NTN4: variants seen among roughly 807,000 people sequenced by gnomAD.
NTN4 encodes the protein netrin 4.
A neutral mutation model predicts 73.6 loss-of-function variants in NTN4; 32 were observed. The observed-to-expected ratio is 0.44, with a 90% confidence interval of 0.33 to 0.58. The LOEUF is 0.58. Ranked by LOEUF, NTN4 falls within the 20% of genes least tolerant of loss-of-function variation. The pLI is 0.04. For synonymous variants in NTN4, 258 were observed against 287.5 expected (o/e 0.90, Z 1.04); for missense variants, 654 against 798.3 (o/e 0.82, Z 2.18).
At chr12:95,750,072 AG>A (rs2121212689) in intron 2 of NTN4, among the ~76,000 whole-genome samples, 1 of 152,146 alleles carries the variant, frequency 6.6e-6, no homozygotes, top group Non-Finnish European at 1.5e-5. Context: ...AGGAGGGGCA[AG>A]TACCCCAACC....
At chr12:95,666,115 A>C in intron 8 of NTN4, 135 bp from the exon 9 acceptor site, 1 of 680,928 alleles carries the variant, frequency 1.5e-6, no homozygotes, top group Non-Finnish European at 2.4e-6. Context: ...TTTAAAAATC[A>C]TTAGGCATTA....
At chr12:95,689,766 T>C (rs933797778) in intron 5 of NTN4, among the ~76,000 whole-genome samples, 1 of 152,250 alleles carries the variant, frequency 6.6e-6, no homozygotes, top group African/African-American at 2.4e-5. Context: ...AATCATTCCT[T>C]ATTCCAATGC....
At chr12:95,730,067 G>A (rs2078726971) in intron 3 of NTN4, among the ~76,000 whole-genome samples, 1 of 152,146 alleles carries the variant, frequency 6.6e-6, no homozygotes, top group South Asian at 2.1e-4. Flanking sequence ...GATATGCCTT[G>A]AATATTTGGG....
At chr12:95,691,773 T>C (rs1267253600) in intron 5 of NTN4, among the ~76,000 whole-genome samples, 1 of 152,112 alleles carries the variant, frequency 6.6e-6, no homozygotes, top group Non-Finnish European at 1.5e-5. Flanking sequence ...TCGTTATAAT[T>C]TTTAGTGTTC....
rs561724426 is a variant in NTN4 at position 95,667,931 on chromosome 12, C to A, written c.1580-1951G>T. On this transcript the variant is annotated intron_variant, in intron 8 of 9. Coordinates refer to ENST00000343702, the MANE Select transcript of NTN4 (RefSeq NM_021229.4). The stretch of plus-strand genomic sequence containing the variant: ...AAGTGAACCTTTCAAGTTCACATAA[C>A]TGGTTGGCTAGAGGTAGAGTTTGGG... Among the ~76,000 whole-genome samples, 10 of 151,960 alleles carry A rather than the reference C, an allele frequency of 6.6e-5. No homozygotes were observed. In the South Asian group the frequency reaches 2.1e-3, roughly 32 times the overall value.
rs554220614 is a variant in NTN4 at position 95,671,731 on chromosome 12, G to A, written c.1511-1585C>T. The stretch of plus-strand genomic sequence containing the variant: ...CATTCTCATACTCATTTATATATTC[G>A]TTTCCTCTCTAGACTGTGTCCCTTC... On this transcript the variant is annotated intron_variant, in intron 7 of 9. Coordinates refer to ENST00000343702, the MANE Select transcript of NTN4 (RefSeq NM_021229.4). 3.4e-4 allele frequency among the ~76,000 whole-genome samples: 51 copies of A among 152,200 alleles called. 1 individual carries two copies. Among genetic ancestry groups the A allele is most frequent in the Admixed American group, 2.8e-3 (43 of 15,288 alleles).
chr12:95,704,548 C>G (rs1444978431), intron 5 of NTN4, among the ~76,000 whole-genome samples: 2 of 152,082 alleles, frequency 1.3e-5, no homozygotes, highest in Non-Finnish European at 2.9e-5. Context: ...GATACATCTA[C>G]TAAGGAGGGA....
chr12:95,727,675 A>G (rs1247787604), intron 3 of NTN4, among the ~76,000 whole-genome samples: 1 of 152,214 alleles, frequency 6.6e-6, no homozygotes, highest in Non-Finnish European at 1.5e-5. Context: ...TCCTTTGGCC[A>G]GTACCACACT....
At chr12:95,697,564 T>G (rs2078451546) in intron 5 of NTN4, among the ~76,000 whole-genome samples, 1 of 152,146 alleles carries the variant, frequency 6.6e-6, no homozygotes, top group Admixed American at 6.5e-5. Context: ...AAATCAGTTC[T>G]TTAGATTCAA....
intron 7 of NTN4, among the ~76,000 whole-genome samples, chr12:95,679,704 C>T (rs2078301123): frequency 6.6e-6 from 1 of 152,178 alleles, no homozygotes; most frequent in Non-Finnish European, 1.5e-5. Flanking sequence ...CTGAATGTGA[C>T]TAGGGAAAAC....
rs371808381 is a variant in NTN4 at position 95,789,043 on chromosome 12, T to C, written c.55+1212A>G. ...AGAATTAAAGTAAAATCTTAGGCCT[T>C]TAATAGGTCCCTGGGAAAAATATCC... is the stretch of plus-strand genomic sequence containing the variant. On this transcript the variant is annotated intron_variant, in intron 1 of 9. Coordinates refer to ENST00000343702, the MANE Select transcript of NTN4 (RefSeq NM_021229.4). This position sits in a 1 kb window ranked among gnomAD's most constrained non-coding sequence, Gnocchi z 4.0. Among the ~76,000 whole-genome samples the C allele has an allele frequency of 7.7e-4, 118 of 152,338 alleles. No homozygotes were observed. Among genetic ancestry groups the C allele is most frequent in the African/African-American group, 2.6e-3 (110 of 41,570 alleles).
intron 2 of NTN4, among the ~76,000 whole-genome samples, chr12:95,772,091 T>C (rs1470536535): frequency 6.6e-6 from 1 of 152,138 alleles, no homozygotes; most frequent in Non-Finnish European, 1.5e-5. Flanking sequence ...CAGACTGGAG[T>C]GCAGTGGTGC....
intron 2 of NTN4, among the ~76,000 whole-genome samples, chr12:95,742,202 G>T (rs2078831522): frequency 6.6e-6 from 1 of 151,930 alleles, no homozygotes; most frequent in Admixed American, 6.6e-5. Flanking sequence ...TCAATAAGAA[G>T]ATGGAAAATT....
chr12:95,770,847 A>T (rs556106719), intron 2 of NTN4, among the ~76,000 whole-genome samples: 43 of 152,348 alleles, frequency 2.8e-4, no homozygotes, highest in African/African-American at 1.0e-3. Context: ...AACATCAGCA[A>T]ACATAGCAGA....
intron 2 of NTN4, 48 bp from the exon 3 acceptor site, chr12:95,738,192 C>A (rs2121176910): frequency 2.0e-6 from 3 of 1,525,102 alleles, no homozygotes; most frequent in South Asian, 1.2e-5. Flanking sequence ...TGTGCGCAAA[C>A]CCTGAATTGT....
At chr12:95,728,451 G>T (rs942713310) in intron 3 of NTN4, among the ~76,000 whole-genome samples, 1 of 152,148 alleles carries the variant, frequency 6.6e-6, no homozygotes, top group African/African-American at 2.4e-5. Flanking sequence ...ATTACATTGA[G>T]AAGTTCCTTT....
intron 3 of NTN4, among the ~76,000 whole-genome samples, chr12:95,721,914 G>C (rs994239843): frequency 6.6e-6 from 1 of 152,126 alleles, no homozygotes; most frequent in African/African-American, 2.4e-5. Context: ...AAGTGTGCAT[G>C]TGCATGCACA....
At chr12:95,659,277 GAT>G (rs2078117626) in intron 9 of NTN4, 55 bp from the exon 10 acceptor site, 1 of 1,361,008 alleles carries the variant, frequency 7.3e-7, no homozygotes, top group Non-Finnish European at 1.0e-6. Context: ...TGAAGGGAGA[GAT>G]GTGACTCCAG....
At position 95,759,115 on chromosome 12, in the gene NTN4, A is replaced by G. The variant is rs914528929; in HGVS notation, c.586-20971T>C. ...TCTAATTATTCCAGCACTGTTGATTAGAAAGACTAACGCTTCTTCATTGAA... is the reference window on the plus strand; with the variant it reads ...TCTAATTATTCCAGCACTGTTGATTGGAAAGACTAACGCTTCTTCATTGAA... On this transcript the variant is annotated intron_variant, in intron 2 of 9. Coordinates refer to ENST00000343702, the MANE Select transcript of NTN4 (RefSeq NM_021229.4). Among the ~76,000 whole-genome samples the G allele has an allele frequency of 8.5e-5, 13 of 152,228 alleles. 1 individual carries two copies. Among genetic ancestry groups the G allele is most frequent in the Admixed American group, 7.8e-4 (12 of 15,292 alleles).
Sources: gnomAD v4.1 joint callset for allele counts (sites outside exome capture counted in the v4.1 genomes callset) on GRCh38, gnomAD v4.1.1 for gene constraint, Gnocchi (gnomAD v3.1) non-coding constraint, MANE v1.5 for transcripts, NCBI Gene and HGNC (gene_info 2026-07-23, HGNC 2026-07-21) for gene names.